ACACA: variants seen among roughly 807,000 people sequenced by gnomAD.
ACACA encodes the protein acetyl-CoA carboxylase 1.
A neutral mutation model predicts 296.1 loss-of-function variants in ACACA; 103 were observed. The ratio of observed to expected loss-of-function variants is 0.35; its 90% CI spans 0.30 to 0.41. The LOEUF is 0.41. Ranked by LOEUF, ACACA falls within the 10% of genes least tolerant of loss-of-function variation. ACACA has a pLI of 1.00. For synonymous variants in ACACA, 953 were observed against 1,038.6 expected (o/e 0.92, Z 1.58); for missense variants, 1,554 against 2,989.7 (o/e 0.52, Z 11.20).
At chr17:37,323,670 G>T (rs1287161452) in intron 3 of ACACA, among the ~76,000 whole-genome samples, 1 of 152,174 alleles carries the variant, frequency 6.6e-6, no homozygotes. Context: ...GAGGAAGGAG[G>T]TGGATTTTTA....
At chr17:37,390,307 T>TGTATA (rs2050792866) in intron 1 of ACACA, among the ~76,000 whole-genome samples, 1 of 42,972 alleles carries the variant, frequency 2.3e-5, no homozygotes, top group Non-Finnish European at 3.4e-5. Flanking sequence ...TACATAATTA[T>TGTATA]ATATATATAT....
At chr17:37,257,542 A>G (rs1021122532) in intron 14 of ACACA, among the ~76,000 whole-genome samples, 161 bp downstream of exon 14, 1 of 152,236 alleles carries the variant, frequency 6.6e-6, no homozygotes, top group Non-Finnish European at 1.5e-5. Flanking sequence ...ATTTAATACA[A>G]CATGAATGCA....
intron 45 of ACACA, chr17:37,144,452 A>T: frequency 3.5e-6 from 1 of 287,024 alleles, no homozygotes; most frequent in South Asian, 3.8e-5. Flanking sequence ...TCCCTTCTTG[A>T]GCCTCCATGA....
intron 35 of ACACA, among the ~76,000 whole-genome samples, 161 bp downstream of exon 35, chr17:37,199,978 A>C (rs2078173371): frequency 6.6e-6 from 1 of 152,110 alleles, no homozygotes; most frequent in Non-Finnish European, 1.5e-5. Flanking sequence ...CAGCCTCCCA[A>C]AGTGCTGGGA....
intron 42 of ACACA, among the ~76,000 whole-genome samples, chr17:37,160,966 GGAATGAGA>G (rs1234266640): frequency 6.6e-6 from 1 of 152,074 alleles, no homozygotes; most frequent in Non-Finnish European, 1.5e-5. Flanking sequence ...GAGATTATGG[GGAATGAGA>G]GGCTGAGCTA....
intron 33 of ACACA, among the ~76,000 whole-genome samples, chr17:37,204,034 A>G (rs1474255569): frequency 6.6e-6 from 1 of 152,156 alleles, no homozygotes; most frequent in Non-Finnish European, 1.5e-5. Context: ...TCCCCTAGAT[A>G]TCTACCATTG....
intron 16 of ACACA, 86 bp downstream of exon 16, chr17:37,251,919 C>A: frequency 8.0e-7 from 1 of 1,256,902 alleles, no homozygotes; most frequent in Non-Finnish European, 1.2e-6. Flanking sequence ...CAGGAATGGA[C>A]AGAAGAATAA....
chr17:37,104,873 G>A (rs1392015948), intron 52 of ACACA, among the ~76,000 whole-genome samples: 2 of 150,458 alleles, frequency 1.3e-5, no homozygotes, highest in East Asian at 3.9e-4. Context: ...CTGACAGGTC[G>A]AGGTGTGGTG....
At chr17:37,171,121 G>A (rs73982255) in intron 41 of ACACA, among the ~76,000 whole-genome samples, 3,750 of 152,230 alleles carry the variant, frequency 0.025, 160 homozygotes, top group African/African-American at 0.086. Context: ...AGCTGTATTC[G>A]TTATATTCAT....
chr17:37,247,076 C>T (rs2080743274), intron 18 of ACACA, 100 bp from the exon 19 acceptor site: 1 of 1,278,642 alleles, frequency 7.8e-7, no homozygotes. Flanking sequence ...ATCCTGAAAA[C>T]TTTATTATAC....
intron 36 of ACACA, 80 bp downstream of exon 36, chr17:37,193,294 G>T (rs909028106): frequency 1.9e-6 from 2 of 1,058,620 alleles, no homozygotes; most frequent in East Asian, 2.5e-5. Flanking sequence ...CAAGAAGAAC[G>T]TATGGCAAAG....
At chr17:37,241,752 A>G (rs2080419794) in intron 23 of ACACA, among the ~76,000 whole-genome samples, 1 of 152,156 alleles carries the variant, frequency 6.6e-6, no homozygotes, top group Non-Finnish European at 1.5e-5. Context: ...AAAATGTAGA[A>G]TATTAAGAAG....
chr17:37,392,651 T>C (rs1450112021), intron 1 of ACACA: 2 of 151,972 alleles, frequency 1.3e-5, no homozygotes, highest in Non-Finnish European at 2.9e-5. Context: ...TCTGTTTTCT[T>C]AGTTCTCTGG....
chr17:37,379,430 A>G (rs2050148285), intron 1 of ACACA: 2 of 1,578,740 alleles, frequency 1.3e-6, no homozygotes, highest in South Asian at 1.1e-5. Context: ...TTTAGTTGAC[A>G]TCCTTGAAGG....
chr17:37,122,613 G>T lies in ACACA; in HGVS notation c.6056C>A (p.Pro2019His). Residue 2019 changes from proline to histidine, a missense_variant, in exon 49 of 56, where the codon CCT becomes CAT. Pro to His is a moderately conservative substitution (Grantham distance 77, BLOSUM62 -2). Transcript: ENST00000616317. ...GGTTTCTACAGCAACAACTCCCACA[G>T]GTATTCCTCCTAGCCTGATAAAACA... ...VVGRARLGGI[P>H]VGVVAVETRT... 1 of 1,614,050 alleles carries T rather than the reference G, an allele frequency of 6.2e-7. No individual in the cohort carries two copies. Among genetic ancestry groups the T allele is most frequent in the Non-Finnish European group, 8.5e-7 (1 of 1,179,930 alleles).
intron 3 of ACACA, among the ~76,000 whole-genome samples, chr17:37,286,069 T>C (rs895336599): frequency 3.9e-5 from 6 of 152,120 alleles, no homozygotes; most frequent in Non-Finnish European, 8.8e-5. Context: ...TTTGTATTTT[T>C]AGTAGAGACA....
intron 42 of ACACA, among the ~76,000 whole-genome samples, chr17:37,157,136 T>C (rs1490602757): frequency 6.6e-6 from 1 of 152,088 alleles, no homozygotes; most frequent in East Asian, 1.9e-4. Context: ...AAAGAGAAGG[T>C]AGACAGTCGA....
chr17:37,107,709 C>G (rs886330780), intron 52 of ACACA, among the ~76,000 whole-genome samples: 3 of 152,256 alleles, frequency 2.0e-5, no homozygotes, highest in African/African-American at 7.2e-5. Flanking sequence ...ACAAGTTCCC[C>G]TAAGCGGCTC....
intron 1 of ACACA, among the ~76,000 whole-genome samples, chr17:37,395,835 G>A (rs900932719): frequency 3.3e-5 from 5 of 152,104 alleles, no homozygotes; most frequent in South Asian, 2.1e-4. Flanking sequence ...GAGCCACCGC[G>A]CCTAGGCTGT....
Sources: allele counts gnomAD v4.1 joint callset (sites outside exome capture counted in the v4.1 genomes callset), GRCh38; gene constraint gnomAD v4.1.1; transcripts MANE v1.5; gene names NCBI Gene and HGNC (gene_info 2026-07-23, HGNC 2026-07-21).